ARSH: variants seen among roughly 807,000 people sequenced by gnomAD.
ARSH encodes arylsulfatase family member H, also known as arylsulfatase H.
Under a neutral mutation model 28.7 loss-of-function variants are expected in ARSH, and 32 were observed. That is an observed-to-expected ratio of 1.11 (90% CI 0.84 to 1.50). ARSH has a LOEUF of 1.50. ARSH is among the 40% of genes most tolerant of loss of function. The pLI is 0.00. For missense variants in ARSH, 440 were observed against 452.4 expected (o/e 0.97, Z 0.25); for synonymous variants, 176 against 177.3 (o/e 0.99, Z 0.06).
chrX:3,012,938 G>A (rs2089854967), intron 2 of ARSH, 109 bp from the exon 3 acceptor site: 3 of 964,968 alleles, frequency 3.1e-6, no homozygotes, highest in South Asian at 5.2e-5. Context: ...GAAAACTTGG[G>A]GAAGAATGGC....
intron 6 of ARSH, 120 bp downstream of exon 6, chrX:3,024,275 A>T (rs957255209): frequency 5.4e-6 from 4 of 736,348 alleles, no homozygotes; most frequent in Admixed American, 5.2e-5. Flanking sequence ...TTAGACTCTT[A>T]TTAAGCTAGA....
intron 5 of ARSH, among the ~76,000 whole-genome samples, chrX:3,019,673 C>T (rs2089876103): frequency 9.0e-6 from 1 of 111,277 alleles, no homozygotes; most frequent in Non-Finnish European, 1.9e-5. Context: ...AACAATCTCC[C>T]AGTTATCAGC....
chrX:3,020,576 C>A (rs1474030985), intron 5 of ARSH, among the ~76,000 whole-genome samples: 2 of 68,082 alleles, frequency 2.9e-5, no homozygotes, highest in African/African-American at 6.1e-5. Flanking sequence ...GCGACAGAGC[C>A]AGACTCAGTC....
chrX:3,006,643 C>G lies in ARSH; in HGVS notation c.31C>G (p.Leu11Val). Residue 11 changes from leucine (L) to valine (V), a missense_variant, in exon 1 of 9, where the codon CTG (leucine) becomes GTG (valine). By Grantham distance (32) the Leu-to-Val change is conservative. Coordinates refer to ENST00000381130, the MANE Select transcript of ARSH (RefSeq NM_001011719.2). ...AAGAAACGCCAGACCCAACATTGTC[C>G]TGCTGATGGCAGATGACCTTGGAGT... The part of the protein sequence containing the change: MTRNARPNIV[L>V]LMADDLGVGD... 2 of 1,211,236 alleles carry G rather than the reference C, an allele frequency of 1.7e-6. No homozygotes were observed. The highest frequency in any genetic ancestry group is 3.5e-5 in the South Asian group (2 of 56,922).
intron 3 of ARSH, among the ~76,000 whole-genome samples, chrX:3,013,624 G>A (rs1326840730): frequency 9.1e-6 from 1 of 109,812 alleles, no homozygotes; most frequent in Non-Finnish European, 1.9e-5. Flanking sequence ...AGCTTGTGAG[G>A]GAGCCTTTCA....
chrX:3,007,801 C>G (rs1025910206), intron 1 of ARSH, among the ~76,000 whole-genome samples: 18 of 102,490 alleles, frequency 1.8e-4, no homozygotes, highest in East Asian at 1.6e-3. Context: ...ATCAAGGTGT[C>G]TGCAGGGCTG....
rs1267321205 is a variant in ARSH, at chrX:3,031,467, G to A, written c.1322-1551G>A. 3.6e-5 allele frequency among the ~76,000 whole-genome samples: 4 copies of A among 111,552 alleles called. No individual in the cohort carries two copies. In the Admixed American group the frequency reaches 3.8e-4, roughly 11 times the overall value. On this transcript the variant is annotated intron_variant, in intron 8 of 8. Coordinates refer to ENST00000381130, the MANE Select transcript of ARSH (RefSeq NM_001011719.2). ...AAATAGCATCGTTTGCCTTAGACCTGTAAAGAAAGGTCTTTTGGAGTCATT... is the reference window on the plus strand; with the variant it reads ...AAATAGCATCGTTTGCCTTAGACCTATAAAGAAAGGTCTTTTGGAGTCATT...
At chrX:3,018,403 T>C (rs1021280870) in intron 4 of ARSH, 131 bp from the exon 5 acceptor site, 5 of 573,070 alleles carry the variant, frequency 8.7e-6, no homozygotes, top group African/African-American at 2.3e-5. Context: ...AGGAGTGGTA[T>C]TGTCATCTAA....
intron 2 of ARSH, among the ~76,000 whole-genome samples, chrX:3,012,499 A>G (rs1163732100): frequency 8.6e-5 from 7 of 81,765 alleles, no homozygotes; most frequent in African/African-American, 2.8e-4. Flanking sequence ...CGAGATGTTG[A>G]CACTGCACTC....
chrX:3,026,950 C>A (rs914440024), intron 6 of ARSH, among the ~76,000 whole-genome samples: 13 of 111,243 alleles, frequency 1.2e-4, no homozygotes, highest in Admixed American at 6.7e-4. Context: ...TTCCTCGTCT[C>A]TGATCCCCCG....
Position 3,024,155 on chromosome X carries a change from GGTGATT to G in ARSH, c.1036+4_1036+9del. The stretch of plus-strand genomic sequence containing the variant: ...GGGTGGCTGGAACGGGATCTACAAA[GGTGATT>G]GTGTGTAGAGAACCAACGCCTGTCC... On this transcript the variant is annotated splice_donor_variant and splice_donor_5th_base_variant and intron_variant, in intron 6 of 8. Coordinates refer to ENST00000381130, the MANE Select transcript of ARSH (RefSeq NM_001011719.2). LOFTEE classifies it high-confidence loss of function. 8.5e-7 allele frequency: 1 copy of G among 1,179,113 alleles called. No individual in the cohort carries two copies. Among genetic ancestry groups the G allele is most frequent in the Non-Finnish European group, 1.1e-6 (1 of 881,101 alleles).
chrX:3,020,708 CTTAG>C (rs917666821), intron 5 of ARSH, among the ~76,000 whole-genome samples: 4 of 110,538 alleles, frequency 3.6e-5, no homozygotes, highest in Non-Finnish European at 7.6e-5. Flanking sequence ...AACTTATGGG[CTTAG>C]TTAAAGGGAA....
intron 2 of ARSH, 86 bp from the exon 3 acceptor site, chrX:3,012,961 C>A: frequency 9.2e-7 from 1 of 1,085,586 alleles, no homozygotes; most frequent in East Asian, 3.3e-5. Context: ...TGAGGAGGTG[C>A]GGGAGGAGAG....
rs201810458 is a variant in ARSH, at chrX:3,011,193, CA to C, written c.214+1050del. Among the ~76,000 whole-genome samples, 14 of 107,129 alleles carry C rather than the reference CA, an allele frequency of 1.3e-4. No individual in the cohort carries two copies. The Middle Eastern group carries it at 0.014, about 111-fold the overall frequency. 93.0% of individuals were successfully genotyped at this position (107,129 alleles called of 115,157 possible). On this transcript the variant is annotated intron_variant, in intron 2 of 8. Transcript: ENST00000381130. Reference sequence around the variant, plus strand: ...AAAGATATGAATTTGTATGAGTTTCCAAAAAAAACTACACTTATAATTTCAG... The same window carrying C: ...AAAGATATGAATTTGTATGAGTTTCCAAAAAAACTACACTTATAATTTCAG...
intron 5 of ARSH, among the ~76,000 whole-genome samples, chrX:3,023,704 C>A (rs2089890723): frequency 9.5e-6 from 1 of 105,696 alleles, no homozygotes; most frequent in Admixed American, 1.1e-4. Context: ...ATATATCATA[C>A]AATATATAAT....
chrX:3,006,871 C>G (rs1178193889), intron 1 of ARSH, among the ~76,000 whole-genome samples, 167 bp downstream of exon 1: 2 of 111,183 alleles, frequency 1.8e-5, no homozygotes, highest in Non-Finnish European at 3.8e-5. Flanking sequence ...CAGGAGACCA[C>G]TTAACCTCCC....
intron 2 of ARSH, among the ~76,000 whole-genome samples, chrX:3,012,582 T>TATATATATATATATATA (rs2089852121): frequency 1.6e-4 from 3 of 18,963 alleles, no homozygotes; most frequent in Non-Finnish European, 2.6e-4. Context: ...TATATATATA[T>TATATATATATATATATA]ATATATATAT....
chrX:3,033,264 C>T lies in ARSH; in HGVS notation c.1568C>T (p.Pro523Leu). 8.3e-7 allele frequency: 1 copy of T among 1,211,668 alleles called. No individual in the cohort carries two copies. Among genetic ancestry groups the T allele is most frequent in the Non-Finnish European group, 1.1e-6 (1 of 895,387 alleles). ...AIREHRRTLT[P>L]VPQQFSVFNT... ...AGAGAGCATCGTAGGACACTAACAC[C>T]TGTCCCACAGCAGTTCTCTGTGTTC... Residue 523 changes from proline to leucine, a missense_variant, in exon 9 of 9, where the codon CCT becomes CTT. Coordinates refer to ENST00000381130, the MANE Select transcript of ARSH (RefSeq NM_001011719.2).
intron 8 of ARSH, among the ~76,000 whole-genome samples, chrX:3,032,778 C>A (rs1439942073): frequency 8.9e-6 from 1 of 112,035 alleles, no homozygotes; most frequent in East Asian, 2.8e-4. Flanking sequence ...CTATTCCCAT[C>A]TGGGTCATCA....
Sources: gnomAD v4.1 joint callset for allele counts (sites outside exome capture counted in the v4.1 genomes callset) on GRCh38, gnomAD v4.1.1 for gene constraint, MANE v1.5 for transcripts, NCBI Gene and HGNC (gene_info 2026-07-23, HGNC 2026-07-21) for gene names.